INPP4B: variants seen among roughly 807,000 people sequenced by gnomAD.
INPP4B encodes the protein inositol polyphosphate-4-phosphatase type II B.
In INPP4B, 55 loss-of-function variants were observed where a neutral mutation model predicts 122.5. That is an observed-to-expected ratio of 0.45 (90% CI 0.36 to 0.56). The LOEUF is 0.56. Ranked by LOEUF, INPP4B falls within the 20% of genes least tolerant of loss-of-function variation. The pLI is 0.00. For missense variants in INPP4B, 1,000 were observed against 1,097.7 expected (o/e 0.91, Z 1.26); for synonymous variants, 403 against 388.7 (o/e 1.04, Z -0.43).
chr4:142,474,844 C>T (rs1183391108), intron 2 of INPP4B, among the ~76,000 whole-genome samples: 4 of 152,220 alleles, frequency 2.6e-5, no homozygotes, highest in Non-Finnish European at 4.4e-5. Context: ...AGCTTCCAGC[C>T]CAGTGGTTTT....
intron 17 of INPP4B, among the ~76,000 whole-genome samples, chr4:142,147,350 A>G (rs1268554604): frequency 6.6e-6 from 1 of 152,244 alleles, no homozygotes; most frequent in Non-Finnish European, 1.5e-5. Flanking sequence ...AGTTGAATTT[A>G]GATTATGTGA....
At chr4:142,707,768 T>C (rs1325427207) in intron 2 of INPP4B, among the ~76,000 whole-genome samples, 1 of 152,066 alleles carries the variant, frequency 6.6e-6, no homozygotes, top group African/African-American at 2.4e-5. Flanking sequence ...AACAGGCAAA[T>C]ACAGAAAATT....
At chr4:142,463,026 A>C (rs1817029519) in intron 2 of INPP4B, among the ~76,000 whole-genome samples, 5 of 152,196 alleles carry the variant, frequency 3.3e-5, no homozygotes, top group Admixed American at 3.3e-4. Flanking sequence ...GGATTAACTC[A>C]TTTATTCCTC....
intron 11 of INPP4B, among the ~76,000 whole-genome samples, chr4:142,243,001 C>A (rs905511723): frequency 4.6e-5 from 7 of 152,098 alleles, no homozygotes; most frequent in Non-Finnish European, 1.0e-4. Flanking sequence ...TCTGGCAACT[C>A]AGATGTTTCT....
At chr4:142,259,726 A>C (rs955772613) in intron 11 of INPP4B, among the ~76,000 whole-genome samples, 8 of 151,902 alleles carry the variant, frequency 5.3e-5, no homozygotes, top group African/African-American at 1.7e-4. Flanking sequence ...GCTATACAAA[A>C]GTATTTTTTC....
At chr4:142,328,127 A>G (rs1773144674) in intron 7 of INPP4B, among the ~76,000 whole-genome samples, 1 of 126,452 alleles carries the variant, frequency 7.9e-6, no homozygotes, top group Non-Finnish European at 1.9e-5. Flanking sequence ...TGCATGGCTA[A>G]CTCAGTGTTG....
intron 9 of INPP4B, among the ~76,000 whole-genome samples, chr4:142,272,079 G>T (rs995764043): frequency 6.6e-6 from 1 of 152,124 alleles, no homozygotes; most frequent in Non-Finnish European, 1.5e-5. Flanking sequence ...GTCATGTGAC[G>T]TCTCATTTTC....
intron 7 of INPP4B, among the ~76,000 whole-genome samples, chr4:142,387,825 G>A (rs1359027759): frequency 6.6e-6 from 1 of 152,126 alleles, no homozygotes; most frequent in East Asian, 1.9e-4. Context: ...CCTTAGGATA[G>A]AATGTGAGCC....
At chr4:142,115,449 T>C (rs946927100) in intron 21 of INPP4B, among the ~76,000 whole-genome samples, 5 of 152,138 alleles carry the variant, frequency 3.3e-5, no homozygotes, top group African/African-American at 9.7e-5. Flanking sequence ...CCCATCAGAC[T>C]AACAGCAGAT....
rs1278214299 is a variant in INPP4B at position 142,027,755 on chromosome 4, T to C, written c.*1027A>G. 6.4e-6 allele frequency: 1 copy of C among 155,398 alleles called. No individual in the cohort carries two copies. The highest frequency in any genetic ancestry group is 1.4e-5 in the Non-Finnish European group (1 of 69,886). The allele number at this position is 155,398 out of a possible 1,614,324, so 9.6% of individuals were successfully genotyped here. On this transcript the variant is annotated 3_prime_UTR_variant, in exon 26 of 26. Coordinates refer to ENST00000262992, the MANE Select transcript of INPP4B (RefSeq NM_001101669.3). Reference sequence around the variant, plus strand: ...CTACTTTGGGATTTTGGAAAACTTATAAATGTTATTTTGCTGAGTAAGGGC... The same window carrying C: ...CTACTTTGGGATTTTGGAAAACTTACAAATGTTATTTTGCTGAGTAAGGGC...
At chr4:142,414,214 T>A (rs1484821872) in intron 5 of INPP4B, among the ~76,000 whole-genome samples, 1 of 152,126 alleles carries the variant, frequency 6.6e-6, no homozygotes, top group Admixed American at 6.6e-5. Context: ...TTTTTTACCA[T>A]CCTATAACAC....
At chr4:142,057,201 C>T (rs2667106) in intron 25 of INPP4B, among the ~76,000 whole-genome samples, 123,504 of 151,938 alleles carry the variant, frequency 0.81, 52,374 homozygotes, top group Non-Finnish European at 0.92. Flanking sequence ...TGTAGTAGCA[C>T]ATTTCACATG....
chr4:142,815,089 C>G (rs988175297), intron 1 of INPP4B, among the ~76,000 whole-genome samples: 1 of 152,070 alleles, frequency 6.6e-6, no homozygotes, highest in Non-Finnish European at 1.5e-5. Flanking sequence ...TGGTCTTCCT[C>G]CCAAGAATGC....
intron 21 of INPP4B, 46 bp downstream of exon 21, chr4:142,122,079 CACG>C (rs1468799096): frequency 2.5e-6 from 3 of 1,181,666 alleles, no homozygotes; most frequent in South Asian, 2.6e-5. Flanking sequence ...CAGGAGTTAA[CACG>C]ACATGTCTAA....
At chr4:142,327,418 T>A (rs1186848350) in intron 7 of INPP4B, among the ~76,000 whole-genome samples, 1 of 151,804 alleles carries the variant, frequency 6.6e-6, no homozygotes, top group Non-Finnish European at 1.5e-5. Flanking sequence ...ATAATCAGCC[T>A]ACAAAGTATG....
chr4:142,116,826 G>A (rs1353849260), intron 21 of INPP4B, among the ~76,000 whole-genome samples: 1 of 152,104 alleles, frequency 6.6e-6, no homozygotes, highest in Non-Finnish European at 1.5e-5. Flanking sequence ...CAGAACTGAA[G>A]GAGATAGAGA....
intron 2 of INPP4B, among the ~76,000 whole-genome samples, chr4:142,497,174 C>A (rs72946865): frequency 6.6e-6 from 1 of 151,988 alleles, no homozygotes. Context: ...ATAAAATAGG[C>A]CTTTTTACCT....
rs370380485 is a variant in INPP4B at position 142,293,783 on chromosome 4, C to T, written c.503+11675G>A. On this transcript the variant is annotated intron_variant, in intron 9 of 25. Coordinates refer to ENST00000262992, the MANE Select transcript of INPP4B (RefSeq NM_001101669.3). ...GGGTAGAAATTCCTGAGCTGGAGTA[C>T]GCTACAAAGGGTAATACATTGCCAA... Among the ~76,000 whole-genome samples, 14 of 152,308 alleles carry T rather than the reference C, an allele frequency of 9.2e-5. No homozygotes were observed. The South Asian group carries it at 1.5e-3, about 16-fold the overall frequency.
intron 2 of INPP4B, among the ~76,000 whole-genome samples, chr4:142,492,752 G>A (rs1449897101): frequency 6.6e-6 from 1 of 152,174 alleles, no homozygotes; most frequent in Non-Finnish European, 1.5e-5. Context: ...TGGAAAATTT[G>A]CAGCCTCAGG....
Sources: allele counts gnomAD v4.1 joint callset (sites outside exome capture counted in the v4.1 genomes callset), GRCh38; gene constraint gnomAD v4.1.1; transcripts MANE v1.5; gene names NCBI Gene and HGNC (gene_info 2026-07-23, HGNC 2026-07-21).